Variants in DOK5 observed in about 807,000 individuals in gnomAD.
DOK5 encodes the protein downstream of tyrosine kinase 5.
Under a neutral mutation model 43.3 loss-of-function variants are expected in DOK5, and 27 were observed. That is an observed-to-expected ratio of 0.62 (90% CI 0.46 to 0.86). DOK5 has a LOEUF of 0.86. Among genes scored for constraint, DOK5 ranks in the 40% least tolerant of loss-of-function variants. DOK5 has a pLI of 0.00. For synonymous variants in DOK5, 146 were observed against 140.1 expected, an observed-to-expected ratio of 1.04 and a Z score of -0.30; for missense variants, 373 against 392.9, an observed-to-expected ratio of 0.95 and a Z score of 0.43.
At chr20:54,506,162 T>C (rs1358114093) in intron 1 of DOK5, among the ~76,000 whole-genome samples, 5 of 151,892 alleles carry the variant, frequency 3.3e-5, no homozygotes, top group Non-Finnish European at 5.9e-5. Flanking sequence ...AGATTTGGAG[T>C]GCATCAGGAA....
At chr20:54,648,603 C>G (rs1031292294) in intron 7 of DOK5, among the ~76,000 whole-genome samples, 97 of 152,102 alleles carry the variant, frequency 6.4e-4, no homozygotes, top group African/African-American at 2.3e-3. Flanking sequence ...GAGCTGCGGG[C>G]ATTCAAAGAT....
intron 7 of DOK5, among the ~76,000 whole-genome samples, chr20:54,644,009 G>A (rs2146831335): frequency 6.6e-6 from 1 of 152,260 alleles, no homozygotes; most frequent in East Asian, 1.9e-4. Context: ...AAATTTCCAT[G>A]CCCTTCCCCA....
Position 54,481,934 on chromosome 20 carries a change from A to T in DOK5, c.66+5922A>T, listed in dbSNP as rs555448070. Among the ~76,000 whole-genome samples, 11 of 152,352 alleles carry T rather than the reference A, an allele frequency of 7.2e-5. No homozygotes were observed. In the South Asian group the frequency reaches 2.3e-3, roughly 32 times the overall value. On this transcript the variant is annotated intron_variant, in intron 1 of 7. Coordinates refer to ENST00000262593, the MANE Select transcript of DOK5 (RefSeq NM_018431.5). ...CACAGTAAAAACCCAATTAATGTTTATTAGGGCTCTCACTCCTACTTCCAG... is the reference window on the plus strand; with the variant it reads ...CACAGTAAAAACCCAATTAATGTTTTTTAGGGCTCTCACTCCTACTTCCAG...
rs1555836770 is a variant in DOK5 at position 54,619,023 on chromosome 20, T to TTTTA, written c.735+8501_735+8502insTTAT. Among the ~76,000 whole-genome samples the TTTTA allele has an allele frequency of 6.2e-3, 270 of 43,386 alleles. 24 individuals carry two copies. Among genetic ancestry groups the TTTTA allele is most frequent in the Non-Finnish European group, 8.9e-3 (193 of 21,578 alleles). 28.5% of individuals were successfully genotyped at this position (43,386 alleles called of 152,430 possible). A position where few individuals can be genotyped will look rare whatever the true frequency, so the allele number is the denominator to read the frequency against. On this transcript the variant is annotated intron_variant, in intron 6 of 7. Coordinates refer to ENST00000262593, the MANE Select transcript of DOK5 (RefSeq NM_018431.5). ...CAGAACAAGACCTTGTTTCAATAAATTATATATATATATATATATATATAT... is the reference window on the plus strand; with the variant it reads ...CAGAACAAGACCTTGTTTCAATAAATTTTATATATATATATATATATATATATAT...
chr20:54,581,903 C>A (rs1985655266), intron 2 of DOK5, among the ~76,000 whole-genome samples: 1 of 151,816 alleles, frequency 6.6e-6, no homozygotes, highest in South Asian at 2.1e-4. Context: ...TGTCTAATTG[C>A]TCTAGCTAGG....
chr20:54,588,574 C>T lies in DOK5; in HGVS notation c.266C>T (p.Ser89Phe). The T allele has an allele frequency of 1.9e-6, 3 of 1,614,142 alleles. No homozygotes were observed. Among genetic ancestry groups the T allele is most frequent in the Non-Finnish European group, 2.5e-6 (3 of 1,179,994 alleles). The change falls in exon 3 of 8, where the codon TCC (serine) becomes TTC (phenylalanine). Residue 89 changes from serine to phenylalanine, a missense_variant. By Grantham distance (155) the Ser-to-Phe change is radical. Transcript: ENST00000262593. ...GGGATTTATTTCAATGACGATACCT[C>T]CAAGACTTTTGCTTGCGAATCAGGT... ...AIGIYFNDDT[S>F]KTFACESDLE...
chr20:54,609,434 T>G (rs1054455470), intron 5 of DOK5, among the ~76,000 whole-genome samples: 1 of 152,234 alleles, frequency 6.6e-6, no homozygotes, highest in South Asian at 2.1e-4. Context: ...CTGCATATGA[T>G]TTTGTCCAAG....
chr20:54,635,734 G>C (rs1344898218), intron 6 of DOK5, among the ~76,000 whole-genome samples: 1 of 152,098 alleles, frequency 6.6e-6, no homozygotes, highest in African/African-American at 2.4e-5. Flanking sequence ...TTTGTCAATG[G>C]GCTATGGTCA....
chr20:54,479,958 T>A (rs149510640), intron 1 of DOK5, among the ~76,000 whole-genome samples: 19 of 152,112 alleles, frequency 1.2e-4, no homozygotes, highest in African/African-American at 4.6e-4. Context: ...ATATCTAGAA[T>A]CCGGCTGTCA....
At chr20:54,535,984 T>C (rs950231678) in intron 1 of DOK5, among the ~76,000 whole-genome samples, 5 of 152,188 alleles carry the variant, frequency 3.3e-5, no homozygotes, top group African/African-American at 1.2e-4. Flanking sequence ...CAGTATGACT[T>C]TTGCCCACTC....
chr20:54,561,119 T>C (rs1984890288), intron 2 of DOK5, among the ~76,000 whole-genome samples: 1 of 152,182 alleles, frequency 6.6e-6, no homozygotes, highest in South Asian at 2.1e-4. Flanking sequence ...GTGGCAAACA[T>C]TTATCAATCC....
At chr20:54,595,959 T>C (rs1986128975) in intron 5 of DOK5, among the ~76,000 whole-genome samples, 1 of 152,238 alleles carries the variant, frequency 6.6e-6, no homozygotes, top group Non-Finnish European at 1.5e-5. Flanking sequence ...AAGGCAGAAA[T>C]GCATGTAGAT....
In DOK5 at chr20:54,518,281, C is replaced by A. The variant is rs191159560; in HGVS notation, c.67-36652C>A. 1.6e-4 allele frequency among the ~76,000 whole-genome samples: 25 copies of A among 152,128 alleles called. No individual in the cohort carries two copies. In the East Asian group the frequency reaches 4.6e-3, roughly 28 times the overall value. On this transcript the variant is annotated intron_variant, in intron 1 of 7. Transcript: ENST00000262593. ...TAACGTTATCCCTCCCCCTTCCCCC[C>A]ACCCCACAACAGGACCCAGTGTGTG...
At chr20:54,553,235 G>A (rs1351722849) in intron 1 of DOK5, among the ~76,000 whole-genome samples, 7 of 152,060 alleles carry the variant, frequency 4.6e-5, no homozygotes, top group East Asian at 3.9e-4. Context: ...TCGCTCTGTC[G>A]CCCAGGCTGG....
At chr20:54,520,124 G>GAACAC (rs1983341347) in intron 1 of DOK5, among the ~76,000 whole-genome samples, 1 of 152,092 alleles carries the variant, frequency 6.6e-6, no homozygotes. Context: ...CAACTCAGTA[G>GAACAC]AACACTCCTA....
intron 1 of DOK5, among the ~76,000 whole-genome samples, chr20:54,482,575 C>T (rs187082415): frequency 7.9e-5 from 12 of 151,690 alleles, no homozygotes; most frequent in Admixed American, 6.6e-4. Flanking sequence ...GGCTCACTTG[C>T]AGCCTCCATC....
At chr20:54,639,528 T>A (rs560347537) in intron 6 of DOK5, among the ~76,000 whole-genome samples, 1 of 152,238 alleles carries the variant, frequency 6.6e-6, no homozygotes, top group African/African-American at 2.4e-5. Context: ...AGAACTTCTG[T>A]GTCACCTTAC....
chr20:54,524,578 G>C (rs1983518655), intron 1 of DOK5, among the ~76,000 whole-genome samples: 1 of 152,114 alleles, frequency 6.6e-6, no homozygotes, highest in South Asian at 2.1e-4. Context: ...TGAAGATGTT[G>C]GTTGTATTTC....
chr20:54,501,621 C>A (rs1459339717), intron 1 of DOK5, among the ~76,000 whole-genome samples: 1 of 151,800 alleles, frequency 6.6e-6, no homozygotes, highest in African/African-American at 2.4e-5. Context: ...AGTAATAAAA[C>A]AAAGTCATAT....
Sources: allele counts gnomAD v4.1 joint callset (sites outside exome capture counted in the v4.1 genomes callset), GRCh38; gene constraint gnomAD v4.1.1; transcripts MANE v1.5; gene names NCBI Gene and HGNC (gene_info 2026-07-23, HGNC 2026-07-21).